Variants in TENM4 observed in about 807,000 individuals in gnomAD.
TENM4 encodes teneurin-4.
In TENM4, 82 loss-of-function variants were observed where a neutral mutation model predicts 243.3. The ratio of observed to expected loss-of-function variants is 0.34; its 90% CI spans 0.28 to 0.40. TENM4 has a LOEUF of 0.40. TENM4 is among the 10% of genes least tolerant of loss of function. TENM4 has a pLI of 1.00. For missense variants in TENM4, 3,138 were observed against 3,673.3 expected, an observed-to-expected ratio of 0.85 and a Z score of 3.77; for synonymous variants, 1,412 against 1,456.3, an observed-to-expected ratio of 0.97 and a Z score of 0.69.
chr11:78,767,295 A>C (rs537666883), intron 18 of TENM4, among the ~76,000 whole-genome samples: 1 of 152,250 alleles, frequency 6.6e-6, no homozygotes, highest in African/African-American at 2.4e-5. Context: ...GTGGATAATA[A>C]GGCCACATTC....
At chr11:79,274,055 G>A (rs1565278521) in intron 2 of TENM4, among the ~76,000 whole-genome samples, 1 of 152,208 alleles carries the variant, frequency 6.6e-6, no homozygotes, top group Admixed American at 6.5e-5. Context: ...AGGGGGAAAT[G>A]AGGAAGAGCC....
intron 4 of TENM4, among the ~76,000 whole-genome samples, chr11:79,071,759 T>A (rs1477600050): frequency 6.6e-6 from 1 of 152,068 alleles, no homozygotes; most frequent in Non-Finnish European, 1.5e-5. Context: ...AAGTAGAGAT[T>A]ACAATTATTT....
At chr11:79,154,519 T>C (rs1862566197) in intron 3 of TENM4, among the ~76,000 whole-genome samples, 2 of 152,018 alleles carry the variant, frequency 1.3e-5, no homozygotes, top group Admixed American at 1.3e-4. Flanking sequence ...TAAATAAACA[T>C]TACATGTCTA....
intron 25 of TENM4, 63 bp from the exon 26 acceptor site, chr11:78,712,777 G>T: frequency 2.1e-6 from 3 of 1,458,366 alleles, no homozygotes; most frequent in Non-Finnish European, 1.9e-6. Flanking sequence ...AGCTGGAGAT[G>T]TACAGATGAA....
rs1442497847 is a variant in TENM4 at position 78,656,772 on chromosome 11, G to C, written c.*1286C>G. On this transcript the variant is annotated 3_prime_UTR_variant, in exon 34 of 34. Transcript: ENST00000278550. ...AAAACACATTGGGTGGGCTTCTCTA[G>C]AGGGGAAGCTGTTTCAGAACTTCAG... 2 of 367,594 alleles carry C rather than the reference G, an allele frequency of 5.4e-6. No individual in the cohort carries two copies. Among genetic ancestry groups the C allele is most frequent in the Non-Finnish European group, 9.7e-6 (2 of 206,930 alleles). The allele number at this position is 367,594 out of a possible 1,614,324, so 22.8% of individuals were successfully genotyped here.
intron 1 of TENM4, among the ~76,000 whole-genome samples, chr11:79,369,058 T>C (rs1857730588): frequency 1.3e-5 from 2 of 152,078 alleles, no homozygotes; most frequent in South Asian, 2.1e-4. Flanking sequence ...CAGAATCTCC[T>C]CCCCACTCTC....
chr11:79,184,634 G>A (rs186320377), intron 3 of TENM4, among the ~76,000 whole-genome samples: 7 of 152,086 alleles, frequency 4.6e-5, no homozygotes, highest in African/African-American at 1.2e-4. Flanking sequence ...GACAAATACC[G>A]TATGATTCCA....
chr11:79,294,788 G>T (rs1856419695), intron 2 of TENM4, among the ~76,000 whole-genome samples: 1 of 152,122 alleles, frequency 6.6e-6, no homozygotes, highest in Non-Finnish European at 1.5e-5. Context: ...GGTAGAGGTT[G>T]CAGTGAGCCA....
chr11:78,994,550 CTTTG>C (rs1297370623), intron 6 of TENM4, among the ~76,000 whole-genome samples: 2 of 152,324 alleles, frequency 1.3e-5, no homozygotes, highest in South Asian at 4.1e-4. Context: ...GAAGCCATAG[CTTTG>C]TGCTGCCTTT....
intron 7 of TENM4, among the ~76,000 whole-genome samples, chr11:78,893,026 T>C (rs983235333): frequency 2.6e-5 from 4 of 152,232 alleles, no homozygotes; most frequent in African/African-American, 9.6e-5. Flanking sequence ...TGGAAGCATA[T>C]GGCAACACTA....
intron 4 of TENM4, among the ~76,000 whole-genome samples, chr11:79,148,057 G>A (rs1000204967): frequency 6.6e-6 from 1 of 152,034 alleles, no homozygotes; most frequent in African/African-American, 2.4e-5. Context: ...AGTAGAACTG[G>A]GGCTGAACCC....
chr11:78,702,005 T>C lies in TENM4; in HGVS notation c.4608A>G (p.Leu1536=). The part of the protein sequence containing the change: ...GDDGYAKDAK[L]NTPSSLAVCA... The stretch of plus-strand genomic sequence containing the variant: ...ACACAGCCAAGGAAGATGGGGTATT[T>C]AACTTTGCATCCTTGGCATAACCAT... Residue 1536 remains leucine (L), a synonymous_variant, in exon 28 of 34, where the codon TTA becomes TTG. Coordinates refer to ENST00000278550, the MANE Select transcript of TENM4 (RefSeq NM_001098816.3). 2 of 1,613,966 alleles carry C rather than the reference T, an allele frequency of 1.2e-6. No homozygotes were observed. The highest frequency in any genetic ancestry group is 1.7e-6 in the Non-Finnish European group (2 of 1,179,880).
Position 79,306,915 on chromosome 11 carries a change from C to T in TENM4, c.-320-9372G>A, listed in dbSNP as rs115668245. On this transcript the variant is annotated intron_variant, in intron 1 of 33. Transcript: ENST00000278550. ...TCAAACAGCCAAGAAAACCTAGACT[C>T]ATCATCACCACCACTGCTGCCATAG... is the stretch of plus-strand genomic sequence containing the variant. 9.9e-3 allele frequency among the ~76,000 whole-genome samples: 1,510 copies of T among 152,288 alleles called. 23 individuals carry two copies. The highest frequency in any genetic ancestry group is 0.03 in the African/African-American group (1,254 of 41,524).
At chr11:79,053,211 A>G (rs775876061) in intron 6 of TENM4, among the ~76,000 whole-genome samples, 12 of 152,218 alleles carry the variant, frequency 7.9e-5, no homozygotes, top group Non-Finnish European at 1.6e-4. Flanking sequence ...GGTTCTTGAC[A>G]AGTTCATGGT....
At chr11:79,002,920 G>A (rs1015967057) in intron 6 of TENM4, among the ~76,000 whole-genome samples, 4 of 152,054 alleles carry the variant, frequency 2.6e-5, no homozygotes, top group Middle Eastern at 3.2e-3. Flanking sequence ...TACAGGAGAT[G>A]AAAGATAAAA....
chr11:79,237,191 T>A (rs1864492152), intron 2 of TENM4, among the ~76,000 whole-genome samples: 1 of 145,836 alleles, frequency 6.9e-6, no homozygotes, highest in Non-Finnish European at 1.5e-5. Context: ...GAGATTTTTT[T>A]ATGTCTTTAT....
Position 79,075,370 on chromosome 11 carries a change from C to T in TENM4, c.-65-5361G>A, listed in dbSNP as rs544718601. ...AATGAGCTCCAGGCTAGGAGTAAGG[C>T]CTGTCCTGGCCACCTCCTAGCTGTG... On this transcript the variant is annotated intron_variant, in intron 4 of 33. Coordinates refer to ENST00000278550, the MANE Select transcript of TENM4 (RefSeq NM_001098816.3). Among the ~76,000 whole-genome samples, 14 of 152,334 alleles carry T rather than the reference C, an allele frequency of 9.2e-5. No individual in the cohort carries two copies. The East Asian group carries it at 2.7e-3, about 29-fold the overall frequency.
At position 79,440,844 on chromosome 11, in the gene TENM4, TGC is replaced by T. The variant is rs200744918; in HGVS notation, c.-658_-657del. 3.5e-5 allele frequency: 5 copies of T among 141,058 alleles called. No individual in the cohort carries two copies. Among genetic ancestry groups the T allele is most frequent in the African/African-American group, 5.5e-5 (2 of 36,408 alleles). 8.7% of individuals were successfully genotyped at this position (141,058 alleles called of 1,614,324 possible). ...CTTCTGGGGGGTTGGGGCGGGTGTG[TGC>T]GCGCGCGTGTGTGAGTGTGTGTGTG... On this transcript the variant is annotated 5_prime_UTR_variant, in exon 1 of 34. Coordinates refer to ENST00000278550, the MANE Select transcript of TENM4 (RefSeq NM_001098816.3). The surrounding 1 kb of genome is among the most constrained non-coding windows in gnomAD (Gnocchi z 4.7).
At chr11:78,852,875 G>A (rs555655495) in intron 12 of TENM4, among the ~76,000 whole-genome samples, 1 of 152,126 alleles carries the variant, frequency 6.6e-6, no homozygotes, top group South Asian at 2.1e-4. Context: ...TCAGCCTCCT[G>A]AGCAGCTGGG....
Sources: gnomAD v4.1 joint callset for allele counts (sites outside exome capture counted in the v4.1 genomes callset) on GRCh38, gnomAD v4.1.1 for gene constraint, Gnocchi (gnomAD v3.1) non-coding constraint, MANE v1.5 for transcripts, NCBI Gene and HGNC (gene_info 2026-07-23, HGNC 2026-07-21) for gene names.